SHISA9: variants seen among roughly 807,000 people sequenced by gnomAD.
SHISA9 encodes shisa family member 9.
SHISA9 carries 13 observed loss-of-function variants against 38.0 expected under a neutral mutation model. The ratio of observed to expected loss-of-function variants is 0.34; its 90% CI spans 0.22 to 0.54. The LOEUF is 0.54. SHISA9 is among the 20% of genes least tolerant of loss of function. The pLI, the probability that SHISA9 is intolerant of heterozygous loss-of-function variation, is 0.91. For synonymous variants in SHISA9, 275 were observed against 242.0 expected, an observed-to-expected ratio of 1.14 and a Z score of -1.27; for missense variants, 538 against 575.8, an observed-to-expected ratio of 0.93 and a Z score of 0.67.
chr16:13,160,982 C>G (rs2050590386), intron 2 of SHISA9, among the ~76,000 whole-genome samples: 1 of 152,078 alleles, frequency 6.6e-6, no homozygotes, highest in Non-Finnish European at 1.5e-5. Context: ...CTTCCTAGCC[C>G]CATTCCCCAT....
At chr16:13,021,845 G>C (rs4780488) in intron 2 of SHISA9, among the ~76,000 whole-genome samples, 31,435 of 152,176 alleles carry the variant, frequency 0.21, 4,192 homozygotes, top group Middle Eastern at 0.31. Flanking sequence ...CATGGGCTGA[G>C]GGGGCAGCCT....
the SHISA9 span, among the ~76,000 whole-genome samples, chr16:13,435,657 C>G: frequency 6.6e-6 from 1 of 152,202 alleles, no homozygotes; most frequent in Non-Finnish European, 1.5e-5. Flanking sequence ...CTGATGTTAT[C>G]AAGCCAGGTT....
chr16:13,001,249 C>A (rs1414214888), intron 2 of SHISA9, among the ~76,000 whole-genome samples: 1 of 152,248 alleles, frequency 6.6e-6, no homozygotes, highest in African/African-American at 2.4e-5. Context: ...TTTTGAGATG[C>A]AACTTTCTTG....
chr16:13,448,420 T>A, the SHISA9 span, among the ~76,000 whole-genome samples: 1 of 152,324 alleles, frequency 6.6e-6, no homozygotes, highest in Middle Eastern at 3.4e-3. Flanking sequence ...TCCATTCTCA[T>A]GCTGCCCCAA....
intron 2 of SHISA9, among the ~76,000 whole-genome samples, chr16:13,029,545 C>T (rs2072965976): frequency 6.6e-6 from 1 of 152,222 alleles, no homozygotes; most frequent in Non-Finnish European, 1.5e-5. Context: ...GAGGTCAAAG[C>T]TGCAGTGAGC....
At chr16:13,221,109 G>C (rs1052430373) in intron 4 of SHISA9, among the ~76,000 whole-genome samples, 2 of 152,168 alleles carry the variant, frequency 1.3e-5, no homozygotes, top group African/African-American at 4.8e-5. Context: ...CAGGCTCCTG[G>C]ACGCCTTTTT....
chr16:13,096,900 C>A (rs1220663236), intron 2 of SHISA9, among the ~76,000 whole-genome samples: 2 of 152,074 alleles, frequency 1.3e-5, no homozygotes, highest in African/African-American at 2.4e-5. Flanking sequence ...ACAGGCCATT[C>A]TCTGACGCCT....
intron 4 of SHISA9, 60 bp downstream of exon 4, chr16:13,213,360 A>G (rs1201583157): frequency 6.8e-7 from 1 of 1,474,644 alleles, no homozygotes. Context: ...GCATTAAATA[A>G]TGAAGGGATA....
At chr16:13,296,128 A>G in the SHISA9 span, among the ~76,000 whole-genome samples, 1 of 152,096 alleles carries the variant, frequency 6.6e-6, no homozygotes, top group Non-Finnish European at 1.5e-5. Flanking sequence ...GATAACAGAT[A>G]GATCTTTTTT....
the SHISA9 span, among the ~76,000 whole-genome samples, chr16:13,465,122 C>T: frequency 1.3e-5 from 2 of 152,110 alleles, no homozygotes; most frequent in Non-Finnish European, 2.9e-5. Context: ...GGGTAGGGGG[C>T]TGGGTAGGTG....
chr16:13,404,618 G>T, the SHISA9 span, among the ~76,000 whole-genome samples: 2 of 152,104 alleles, frequency 1.3e-5, no homozygotes, highest in East Asian at 1.9e-4. Flanking sequence ...GCAGAGATGG[G>T]TAGGGATATA....
rs2073304138 is a variant in SHISA9, at chr16:13,055,855, G to A, written c.691+139040G>A. Among the ~76,000 whole-genome samples, 4 of 152,264 alleles carry A rather than the reference G, an allele frequency of 2.6e-5. No homozygotes were observed. In the South Asian group the frequency reaches 6.2e-4, roughly 24 times the overall value. ...AGAAATCTCGTGCTTAGGTGAGAGT[G>A]ATGGAACAAATTACCAACTTGCCTT... On this transcript the variant is annotated intron_variant, in intron 2 of 4. Coordinates refer to ENST00000558583, the MANE Select transcript of SHISA9 (RefSeq NM_001145204.3).
At chr16:13,177,339 A>C (rs1352596499) in intron 2 of SHISA9, among the ~76,000 whole-genome samples, 1 of 152,172 alleles carries the variant, frequency 6.6e-6, no homozygotes, top group Admixed American at 6.5e-5. Flanking sequence ...TCAAAATCTT[A>C]GAATGGCTCT....
chr16:12,987,474 C>T (rs567728749), intron 2 of SHISA9, among the ~76,000 whole-genome samples: 1 of 152,278 alleles, frequency 6.6e-6, no homozygotes, highest in Non-Finnish European at 1.5e-5. Flanking sequence ...AGCCATCCTC[C>T]TCAGCAAACT....
At chr16:13,320,235 G>A in the SHISA9 span, among the ~76,000 whole-genome samples, 1 of 130,880 alleles carries the variant, frequency 7.6e-6, no homozygotes, top group Non-Finnish European at 1.6e-5. Flanking sequence ...AGGCTGCACG[G>A]AGCCAAGATC....
intron 2 of SHISA9, among the ~76,000 whole-genome samples, chr16:13,185,416 A>T (rs1435716839): frequency 6.6e-6 from 1 of 152,044 alleles, no homozygotes; most frequent in South Asian, 2.1e-4. Flanking sequence ...GCTGCCTAGG[A>T]TGGTGTTGAA....
At chr16:12,933,116 C>T (rs2071483361) in intron 2 of SHISA9, among the ~76,000 whole-genome samples, 1 of 152,080 alleles carries the variant, frequency 6.6e-6, no homozygotes. Flanking sequence ...AGGTGATTAG[C>T]ATATCTTTGT....
At chr16:13,306,981 C>T in the SHISA9 span, among the ~76,000 whole-genome samples, 1 of 152,168 alleles carries the variant, frequency 6.6e-6, no homozygotes, top group Non-Finnish European at 1.5e-5. Flanking sequence ...GAAATGTTTA[C>T]ACTGCATGCA....
At chr16:13,402,673 G>T in the SHISA9 span, among the ~76,000 whole-genome samples, 1 of 151,998 alleles carries the variant, frequency 6.6e-6, no homozygotes, top group Admixed American at 6.6e-5. Flanking sequence ...CGCCACGCCC[G>T]GCTATTTTTT....
Sources: allele counts gnomAD v4.1 joint callset (sites outside exome capture counted in the v4.1 genomes callset), GRCh38; gene constraint gnomAD v4.1.1; transcripts MANE v1.5; gene names NCBI Gene and HGNC (gene_info 2026-07-23, HGNC 2026-07-21).